AAAS: variants seen among roughly 807,000 people sequenced by gnomAD.
The protein encoded by AAAS is aladin.
A neutral mutation model predicts 75.6 loss-of-function variants in AAAS; 60 were observed. The ratio of observed to expected loss-of-function variants is 0.79; its 90% CI spans 0.64 to 0.98. AAAS has a LOEUF of 0.98. AAAS is among the 50% of genes least tolerant of loss of function. AAAS has a pLI of 0.00. For synonymous variants in AAAS, 271 were observed against 265.0 expected (o/e 1.02, Z -0.22); for missense variants, 658 against 686.9 (o/e 0.96, Z 0.47).
At chr12:53,320,365 G>C (rs1203933563) in intron 2 of AAAS, among the ~76,000 whole-genome samples, 200 bp downstream of exon 2, 1 of 152,160 alleles carries the variant, frequency 6.6e-6, no homozygotes, top group East Asian at 1.9e-4. Flanking sequence ...CCTGGGAAGG[G>C]CAAGGAAGGG....
rs1380949133 is a variant in AAAS at position 53,319,690 on chromosome 12, G to A, written c.251+875C>T. Among the ~76,000 whole-genome samples, 4 of 150,820 alleles carry A rather than the reference G, an allele frequency of 2.7e-5. No individual in the cohort carries two copies. In the Admixed American group the frequency reaches 2.7e-4, roughly 10 times the overall value. The stretch of plus-strand genomic sequence containing the variant: ...GTGGTGGCACATGCCTATAGTACCA[G>A]CTACTCGGGAGGCTGAGGCAGGGGA... On this transcript the variant is annotated intron_variant, in intron 2 of 15. Coordinates refer to ENST00000209873, the MANE Select transcript of AAAS (RefSeq NM_015665.6).
chr12:53,309,940 T>C, intron 7 of AAAS: 2 of 655,748 alleles, frequency 3.0e-6, no homozygotes, highest in East Asian at 5.9e-5. Context: ...AGAGAAGAGG[T>C]AATCTGCAAG....
chr12:53,321,100 T>G, intron 1 of AAAS: 1 of 620,372 alleles, frequency 1.6e-6, no homozygotes, highest in Non-Finnish European at 2.7e-6. Context: ...TCACACTCCC[T>G]AGATTCTCCC....
rs560811040 is a variant in AAAS at position 53,321,136 on chromosome 12, T to G, written c.123+207A>C. Reference sequence around the variant, plus strand: ...TCATTCTCTCCATTCCCTCTAGGCCTCCTCCACAGCTCCTTAACCGTTCCC... The same window carrying G: ...TCATTCTCTCCATTCCCTCTAGGCCGCCTCCACAGCTCCTTAACCGTTCCC... On this transcript the variant is annotated intron_variant, in intron 1 of 15. Transcript: ENST00000209873. The G allele has an allele frequency of 1.8e-5, 13 of 719,888 alleles. No homozygotes were observed. In the African/African-American group the frequency reaches 2.1e-4, roughly 12 times the overall value. The allele number at this position is 719,888 out of a possible 1,614,324, so 44.6% of individuals were successfully genotyped here. A position where few individuals can be genotyped will look rare whatever the true frequency, so the allele number is the denominator to read the frequency against.
In AAAS at chr12:53,314,381, C is replaced by T. The variant is rs1216132505; in HGVS notation, c.606G>A (p.Lys202=). 8 of 1,614,036 alleles carry T rather than the reference C, an allele frequency of 5.0e-6. No homozygotes were observed. In the African/African-American group the frequency reaches 8.0e-5, roughly 16 times the overall value. Residue 202 remains lysine, a synonymous_variant, in exon 7 of 16, where the codon AAG becomes AAA. Transcript: ENST00000209873. ...CAGCCAAGACAGAGGCACTAAGGGG[C>T]TTCCAGGCCAGAGACGCCACATTTC... The part of the protein sequence containing the change: ...LQRNVASLAW[K]PLSASVLAVA...
intron 7 of AAAS, among the ~76,000 whole-genome samples, chr12:53,310,463 G>C (rs910707473): frequency 6.6e-6 from 1 of 152,120 alleles, no homozygotes; most frequent in Non-Finnish European, 1.5e-5. Flanking sequence ...GGGAGGCTGA[G>C]GCAGGAGAAT....
rs1477021646 is a variant in AAAS at position 53,310,285 on chromosome 12, C to T, written c.690-564G>A. On this transcript the variant is annotated intron_variant, in intron 7 of 15. Transcript: ENST00000209873. Reference sequence around the variant, plus strand: ...TATCATAAAGATGCTGCAGGCTGGGCGCAGTGGCTCACGCCTGTAATCCCA... The same window carrying T: ...TATCATAAAGATGCTGCAGGCTGGGTGCAGTGGCTCACGCCTGTAATCCCA... Among the ~76,000 whole-genome samples the T allele has an allele frequency of 9.2e-5, 14 of 152,328 alleles. No homozygotes were observed. The South Asian group carries it at 2.1e-3, about 23-fold the overall frequency.
At chr12:53,317,834 G>T (rs1158973526) in intron 2 of AAAS, among the ~76,000 whole-genome samples, 1 of 152,070 alleles carries the variant, frequency 6.6e-6, no homozygotes, top group Non-Finnish European at 1.5e-5. Flanking sequence ...AGATTTGAGA[G>T]ATTTAGGAAT....
At chr12:53,319,879 G>A (rs928879301) in intron 2 of AAAS, among the ~76,000 whole-genome samples, 6 of 151,716 alleles carry the variant, frequency 4.0e-5, no homozygotes, top group Non-Finnish European at 8.8e-5. Context: ...CCAGCACTTT[G>A]GGAGGCCAAG....
In AAAS at chr12:53,321,596, G is replaced by A. The variant is rs532374575; in HGVS notation, c.-131C>T. The A allele has an allele frequency of 9.4e-6, 14 of 1,490,772 alleles. No homozygotes were observed. The highest frequency in any genetic ancestry group is 2.8e-5 in the African/African-American group (2 of 72,606). 92.3% of individuals were successfully genotyped at this position (1,490,772 alleles called of 1,614,324 possible). A position where few individuals can be genotyped will look rare whatever the true frequency, so the allele number is the denominator to read the frequency against. ...ACCGCAAGGGACAAACGGCGAGGCG[G>A]AACTCAACGGAAGTGAAGAAAAGAC... On this transcript the variant is annotated 5_prime_UTR_variant, in exon 1 of 16. Transcript: ENST00000209873.
chr12:53,321,392 A>G lies in AAAS; in HGVS notation c.74T>C (p.Leu25Pro), dbSNP rs922312950. ...QVTLYEHNNE[L>P]VTGSSYESPP... is the part of the protein sequence containing the mutation. The stretch of plus-strand genomic sequence containing the variant: ...GCTCTCATAGCTACTGCCCGTCACC[A>G]GCTCGTTATTGTGCTCATATAGGGT... The change falls in exon 1 of 16, where the codon CTG becomes CCG. Residue 25 changes from leucine to proline, a missense_variant. Physicochemically the swap from Leu to Pro is moderately conservative, Grantham distance 98. Transcript: ENST00000209873. 1 of 1,614,156 alleles carries G rather than the reference A, an allele frequency of 6.2e-7. No homozygotes were observed. The highest frequency in any genetic ancestry group is 8.5e-7 in the Non-Finnish European group (1 of 1,180,030).
At chr12:53,316,737 G>A (rs1228804986) in intron 2 of AAAS, among the ~76,000 whole-genome samples, 3 of 143,870 alleles carry the variant, frequency 2.1e-5, no homozygotes, top group African/African-American at 2.6e-5. Context: ...CTCCAGCCTG[G>A]GCAACAGAGC....
rs1279201311 is a variant in AAAS, at chr12:53,309,607, A to G, written c.804T>C (p.Ala268=). 6.2e-7 allele frequency: 1 copy of G among 1,613,776 alleles called. No individual in the cohort carries two copies. The highest frequency in any genetic ancestry group is 8.5e-7 in the Non-Finnish European group (1 of 1,179,918). Residue 268 remains alanine (A), a synonymous_variant, in exon 8 of 16, where the codon GCT becomes GCC. Coordinates refer to ENST00000209873, the MANE Select transcript of AAAS (RefSeq NM_015665.6). ...RLLSASPVDA[A]IRVWDVSTET... is the part of the protein sequence containing the mutation. ...GGGGCAGGGACCCACTCACCCGGAT[A>G]GCAGCATCCACGGGTGAAGCTGAGA...
intron 2 of AAAS, among the ~76,000 whole-genome samples, chr12:53,318,903 G>A (rs1944508579): frequency 6.6e-6 from 1 of 152,192 alleles, no homozygotes; most frequent in Admixed American, 6.5e-5. Flanking sequence ...ACAGAAGTAG[G>A]AGACAAGGAG....
At position 53,308,948 on chromosome 12, in the gene AAAS, G is replaced by A. The variant is rs200312077; in HGVS notation, c.996+12C>T. ...TCCTCCCCAGTGTCTGTGAATCAGA[G>A]TCCCCTCTTACCTGACAGCGCCCTG... is the stretch of plus-strand genomic sequence containing the variant. On this transcript the variant is annotated intron_variant, in intron 10 of 15. Transcript: ENST00000209873. 278 of 1,614,084 alleles carry A rather than the reference G, an allele frequency of 1.7e-4. No homozygotes were observed. The highest frequency in any genetic ancestry group is 3.4e-5 in the Non-Finnish European group (40 of 1,180,046).
rs539003530 is a variant in AAAS, at chr12:53,307,482, T to C, written c.*7A>G. On this transcript the variant is annotated 3_prime_UTR_variant, in exon 16 of 16. Coordinates refer to ENST00000209873, the MANE Select transcript of AAAS (RefSeq NM_015665.6). The stretch of plus-strand genomic sequence containing the variant: ...GAGTGGAAAACAAAAGGAAAACTTA[T>C]TTATTCTTAGAGGTGGGAATGTGGG... 6.8e-6 allele frequency: 11 copies of C among 1,607,698 alleles called. No homozygotes were observed. Among genetic ancestry groups the C allele is most frequent in the African/African-American group, 4.0e-5 (3 of 74,924 alleles).
intron 1 of AAAS, 107 bp from the exon 2 acceptor site, chr12:53,320,799 G>A (rs1324864847): frequency 5.2e-6 from 7 of 1,340,324 alleles, no homozygotes; most frequent in East Asian, 2.4e-5. Context: ...AGATTCCAGA[G>A]GTCTGTTTCC....
At chr12:53,311,833 G>C (rs1304681946) in intron 7 of AAAS, among the ~76,000 whole-genome samples, 1 of 152,106 alleles carries the variant, frequency 6.6e-6, no homozygotes, top group Non-Finnish European at 1.5e-5. Flanking sequence ...AGAATCGCTT[G>C]AACCCAGGAG....
At chr12:53,318,453 TA>T (rs1203492762) in intron 2 of AAAS, among the ~76,000 whole-genome samples, 1 of 152,104 alleles carries the variant, frequency 6.6e-6, no homozygotes, top group African/African-American at 2.4e-5. Flanking sequence ...CCTCAAGTGA[TA>T]CACCCGCCTT....
Sources: gnomAD v4.1 joint callset for allele counts (sites outside exome capture counted in the v4.1 genomes callset) on GRCh38, gnomAD v4.1.1 for gene constraint, MANE v1.5 for transcripts, NCBI Gene and HGNC (gene_info 2026-07-23, HGNC 2026-07-21) for gene names.